The following CSMD1 variants were observed in gnomAD, a reference collection of about 807,000 sequenced individuals.
CSMD1 encodes CUB and Sushi multiple domains 1.
A neutral mutation model predicts 417.5 loss-of-function variants in CSMD1; 213 were observed. The ratio of observed to expected loss-of-function variants is 0.51; its 90% CI spans 0.46 to 0.57. CSMD1 has a LOEUF of 0.57. CSMD1 is among the 20% of genes least tolerant of loss of function. CSMD1 has a pLI of 0.00. For synonymous variants in CSMD1, 2,862 were observed against 1,736.8 expected, an observed-to-expected ratio of 1.65 and a Z score of -16.11; for missense variants, 6,923 against 4,529.7, an observed-to-expected ratio of 1.53 and a Z score of -15.17.
At chr8:4,379,618 T>C (rs1423517984) in intron 3 of CSMD1, among the ~76,000 whole-genome samples, 1 of 151,808 alleles carries the variant, frequency 6.6e-6, no homozygotes, top group African/African-American at 2.4e-5. Flanking sequence ...AGGTAAGCCA[T>C]GAGATTTATT....
chr8:4,743,162 T>C (rs1403534482), intron 1 of CSMD1, among the ~76,000 whole-genome samples: 1 of 152,186 alleles, frequency 6.6e-6, no homozygotes, highest in Admixed American at 6.5e-5. Flanking sequence ...GAGATCACAT[T>C]CTTTTAGACA....
chr8:4,219,690 AAG>A (rs1800909239), intron 3 of CSMD1, among the ~76,000 whole-genome samples: 1 of 152,232 alleles, frequency 6.6e-6, no homozygotes. Context: ...TACACAAGTC[AAG>A]AGTTTAAATA....
Position 3,052,528 on chromosome 8 carries a change from G to T in CSMD1, c.7594C>A (p.Gln2532Lys), listed in dbSNP as rs774236648. The T allele has an allele frequency of 6.2e-7, 1 of 1,604,600 alleles. No homozygotes were observed. Among genetic ancestry groups the T allele is most frequent in the Non-Finnish European group, 8.5e-7 (1 of 1,175,244 alleles). Residue 2532 changes from glutamine (Q) to lysine (K), a missense_variant, in exon 50 of 70, where the codon CAA becomes AAA. Coordinates refer to ENST00000635120, the MANE Select transcript of CSMD1 (RefSeq NM_033225.6). ...TCTTCTTGACACACGGCTGTTGCTT[G>T]CTGGCTGGATTCAAGCTTGAAGCCC... ...HEGFKLESSQ[Q>K]ATAVCQEDGL... is the part of the protein sequence containing the mutation.
intron 1 of CSMD1, among the ~76,000 whole-genome samples, chr8:4,898,192 A>G (rs7831131): frequency 1.3e-5 from 2 of 152,168 alleles, no homozygotes; most frequent in Non-Finnish European, 2.9e-5. Flanking sequence ...GTGCATTGCT[A>G]TATTGCAAAT....
chr8:4,520,744 GAATTA>G (rs1245634025), intron 2 of CSMD1, among the ~76,000 whole-genome samples: 4 of 152,058 alleles, frequency 2.6e-5, no homozygotes, highest in African/African-American at 9.7e-5. Flanking sequence ...AACTCTAATT[GAATTA>G]AATTTAATTT....
At chr8:4,486,721 G>T (rs546262069) in intron 2 of CSMD1, among the ~76,000 whole-genome samples, 1 of 150,920 alleles carries the variant, frequency 6.6e-6, no homozygotes, top group East Asian at 1.9e-4. Flanking sequence ...AATGTACAAA[G>T]AGGGTTCCCC....
intron 3 of CSMD1, among the ~76,000 whole-genome samples, chr8:4,316,083 G>A (rs78703920): frequency 0.021 from 3,234 of 151,938 alleles, 116 homozygotes; most frequent in African/African-American, 0.073. Flanking sequence ...AATAAAATGG[G>A]TTATTAAAAG....
At chr8:4,507,823 CA>C (rs1802606109) in intron 2 of CSMD1, among the ~76,000 whole-genome samples, 1 of 151,984 alleles carries the variant, frequency 6.6e-6, no homozygotes, top group South Asian at 2.1e-4. Context: ...CTTGTATGAC[CA>C]AAAGGTTTCT....
intron 3 of CSMD1, among the ~76,000 whole-genome samples, chr8:4,181,433 T>A (rs80199021): frequency 0.017 from 2,571 of 152,064 alleles, 81 homozygotes; most frequent in African/African-American, 0.057. Context: ...CTGGGCAACA[T>A]TGGAAAAAGA....
intron 3 of CSMD1, among the ~76,000 whole-genome samples, chr8:4,397,186 G>T (rs1009765202): frequency 6.6e-6 from 1 of 152,008 alleles, no homozygotes; most frequent in Non-Finnish European, 1.5e-5. Flanking sequence ...CAACATGTAT[G>T]TGTTTGATCC....
intron 2 of CSMD1, among the ~76,000 whole-genome samples, chr8:4,499,372 G>A (rs972488376): frequency 6.6e-6 from 1 of 152,200 alleles, no homozygotes; most frequent in Non-Finnish European, 1.5e-5. Flanking sequence ...AATACAAGCA[G>A]GCAAGTCTGC....
chr8:4,302,205 C>T (rs992297084), intron 3 of CSMD1, among the ~76,000 whole-genome samples: 2 of 152,044 alleles, frequency 1.3e-5, no homozygotes, highest in African/African-American at 4.8e-5. Context: ...AAAAACAAAG[C>T]TTTAAATAGA....
At chr8:3,129,345 T>G (rs1336638010) in intron 41 of CSMD1, among the ~76,000 whole-genome samples, 1 of 152,250 alleles carries the variant, frequency 6.6e-6, no homozygotes, top group Admixed American at 6.5e-5. Context: ...GATTCCTACA[T>G]GGGCTTTTTG....
At chr8:4,269,609 C>A (rs568318787) in intron 3 of CSMD1, among the ~76,000 whole-genome samples, 9 of 152,266 alleles carry the variant, frequency 5.9e-5, no homozygotes, top group African/African-American at 2.2e-4. Flanking sequence ...AGTTTAACCT[C>A]ATTTTTTATA....
chr8:4,504,510 A>G (rs891969944), intron 2 of CSMD1, among the ~76,000 whole-genome samples: 1 of 152,160 alleles, frequency 6.6e-6, no homozygotes, highest in East Asian at 1.9e-4. Flanking sequence ...ACATGTGCAG[A>G]ACATGCAGGT....
chr8:4,279,669 C>A (rs1359911344), intron 3 of CSMD1, among the ~76,000 whole-genome samples: 4 of 152,156 alleles, frequency 2.6e-5, no homozygotes, highest in African/African-American at 9.7e-5. Flanking sequence ...CCCTGTTCAA[C>A]TTATAATTAG....
At chr8:2,962,391 G>T in intron 61 of CSMD1, 75 bp downstream of exon 61, 2 of 1,330,804 alleles carry the variant, frequency 1.5e-6, no homozygotes, top group South Asian at 2.8e-5. Flanking sequence ...AATCACAAAT[G>T]ACCCAATTTC....
intron 49 of CSMD1, among the ~76,000 whole-genome samples, chr8:3,073,345 G>T (rs991544784): frequency 6.6e-6 from 1 of 152,044 alleles, no homozygotes; most frequent in African/African-American, 2.4e-5. Flanking sequence ...AAAATTAGTG[G>T]AGAAAATAAT....
intron 7 of CSMD1, among the ~76,000 whole-genome samples, chr8:3,701,339 G>C (rs1243380904): frequency 1.3e-5 from 2 of 152,076 alleles, no homozygotes; most frequent in African/African-American, 4.8e-5. Context: ...CCCTATTCAT[G>C]ATAATTCATG....
Sources: allele counts gnomAD v4.1 joint callset (sites outside exome capture counted in the v4.1 genomes callset), GRCh38; gene constraint gnomAD v4.1.1; transcripts MANE v1.5; gene names NCBI Gene and HGNC (gene_info 2026-07-23, HGNC 2026-07-21).